The following ST8SIA2 variants were observed in gnomAD, a reference collection of about 807,000 sequenced individuals.
The protein encoded by ST8SIA2 is ST8 alpha-N-acetyl-neuraminide alpha-2,8-sialyltransferase 2, also known as alpha-2,8-sialyltransferase 8B.
ST8SIA2 carries 22 observed loss-of-function variants against 37.6 expected under a neutral mutation model. The ratio of observed to expected loss-of-function variants is 0.58; its 90% CI spans 0.42 to 0.83. ST8SIA2 has a LOEUF of 0.83. ST8SIA2 is among the 40% of genes least tolerant of loss of function. ST8SIA2 has a pLI of 0.00. For missense variants in ST8SIA2, 382 were observed against 484.7 expected (o/e 0.79, Z 1.99); for synonymous variants, 205 against 201.2 (o/e 1.02, Z -0.16).
At chr15:92,454,780 G>C (rs1349230117) in intron 5 of ST8SIA2, among the ~76,000 whole-genome samples, 1 of 151,894 alleles carries the variant, frequency 6.6e-6, no homozygotes, top group Non-Finnish European at 1.5e-5. Context: ...AGCCCTGGCT[G>C]GCTGTTGGCT....
rs1313281018 is a variant in ST8SIA2, at chr15:92,466,470, T to C, written c.*2085T>C. ...AGGCCTTGGATTCCAGAATGTTTCA[T>C]GGTAAGCACTGTGGAGAACCTACAT... On this transcript the variant is annotated 3_prime_UTR_variant, in exon 6 of 6. Coordinates refer to ENST00000268164, the MANE Select transcript of ST8SIA2 (RefSeq NM_006011.4). 6.6e-6 allele frequency: 1 copy of C among 152,102 alleles called. No individual in the cohort carries two copies. Among genetic ancestry groups the C allele is most frequent in the East Asian group, 1.9e-4 (1 of 5,170 alleles). The allele number at this position is 152,102 out of a possible 1,614,324, so 9.4% of individuals were successfully genotyped here.
At chr15:92,418,297 TAACA>T (rs1356353372) in intron 1 of ST8SIA2, among the ~76,000 whole-genome samples, 1 of 149,450 alleles carries the variant, frequency 6.7e-6, no homozygotes, top group African/African-American at 2.5e-5. Context: ...CTACTAAAAA[TAACA>T]AACAAAAAAA....
Position 92,451,239 on chromosome 15 carries a change from C to T in ST8SIA2, c.842+6310C>T, listed in dbSNP as rs533608245. On this transcript the variant is annotated intron_variant, in intron 5 of 5. Transcript: ENST00000268164. ...ACCAGGTGCAGCAGAAATTTGCACTCATTTAGGGACAGGGATGGCAATGAG... is the reference window on the plus strand; with the variant it reads ...ACCAGGTGCAGCAGAAATTTGCACTTATTTAGGGACAGGGATGGCAATGAG... 2.6e-5 allele frequency among the ~76,000 whole-genome samples: 4 copies of T among 152,294 alleles called. No individual in the cohort carries two copies. In the South Asian group the frequency reaches 6.2e-4, roughly 24 times the overall value.
Position 92,444,633 on chromosome 15 carries a change from C to T in ST8SIA2, c.549-3C>T, listed in dbSNP as rs1422183027. ...AGGATCATGTTGCCTTTTTCTCCGG[C>T]AGGTGCAACCTGGCCCCAGTACAGG... is the stretch of plus-strand genomic sequence containing the variant. On this transcript the variant is annotated splice_polypyrimidine_tract_variant and splice_region_variant and intron_variant, in intron 4 of 5. Coordinates refer to ENST00000268164, the MANE Select transcript of ST8SIA2 (RefSeq NM_006011.4). 2.3e-5 allele frequency: 37 copies of T among 1,614,234 alleles called. No individual in the cohort carries two copies. Among genetic ancestry groups the T allele is most frequent in the Non-Finnish European group, 3.1e-5 (36 of 1,180,042 alleles).
intron 3 of ST8SIA2, 92 bp downstream of exon 3, chr15:92,434,467 T>C (rs2049740710): frequency 6.3e-7 from 1 of 1,582,436 alleles, no homozygotes; most frequent in Non-Finnish European, 8.6e-7. Flanking sequence ...GAAGTCAGGA[T>C]AGAAATAAAA....
intron 5 of ST8SIA2, 59 bp downstream of exon 5, chr15:92,444,988 G>A: frequency 6.3e-7 from 1 of 1,596,506 alleles, no homozygotes; most frequent in Non-Finnish European, 8.5e-7. Flanking sequence ...ATTCTTGGTA[G>A]GCAGTATCCC....
intron 4 of ST8SIA2, among the ~76,000 whole-genome samples, chr15:92,440,593 C>T (rs1263262317): frequency 2.6e-5 from 4 of 152,210 alleles, no homozygotes; most frequent in Non-Finnish European, 4.4e-5. Flanking sequence ...GGCTCTGAAA[C>T]TCCCACGTGT....
In ST8SIA2 at chr15:92,464,338, C is replaced by G. The variant is rs1181645265; in HGVS notation, c.1081C>G (p.Gln361Glu). 2 of 1,613,910 alleles carry G rather than the reference C, an allele frequency of 1.2e-6. No homozygotes were observed. The highest frequency in any genetic ancestry group is 2.7e-5 in the African/African-American group (2 of 74,864). Residue 361 changes from glutamine (Q) to glutamate (E), a missense_variant, in exon 6 of 6, where the codon CAG becomes GAG. Transcript: ENST00000268164. ...EFKALKSLHE[Q>E]GALKLTVGQC... ...TAAGGCCCTCAAGAGCCTACATGAG[C>G]AGGGGGCTTTGAAACTGACTGTCGG... is the stretch of plus-strand genomic sequence containing the variant.
rs530314702 is a variant in ST8SIA2 at position 92,427,405 on chromosome 15, GA to G, written c.99-2637del. ...CAAAATATTTTTGTTGAATGAATAAGAAAAAAATAACTTAGATATATTGGTA... is the reference window on the plus strand; with the variant it reads ...CAAAATATTTTTGTTGAATGAATAAGAAAAAATAACTTAGATATATTGGTA... On this transcript the variant is annotated intron_variant, in intron 1 of 5. Transcript: ENST00000268164. Among the ~76,000 whole-genome samples, 459 of 151,900 alleles carry G rather than the reference GA, an allele frequency of 3.0e-3. 2 individuals carry two copies. The highest frequency in any genetic ancestry group is 0.01 in the Middle Eastern group (3 of 294).
chr15:92,435,055 T>A (rs1262508869), intron 3 of ST8SIA2, among the ~76,000 whole-genome samples: 1 of 152,210 alleles, frequency 6.6e-6, no homozygotes, highest in Admixed American at 6.5e-5. Context: ...AGCTTAGATA[T>A]AGCCATGATT....
At chr15:92,404,752 T>C (rs1056212004) in intron 1 of ST8SIA2, among the ~76,000 whole-genome samples, 33 of 151,212 alleles carry the variant, frequency 2.2e-4, no homozygotes, top group Non-Finnish European at 3.2e-4. Flanking sequence ...GGAGAATAGG[T>C]TGAACCCGGG....
chr15:92,451,066 C>G (rs112209585), intron 5 of ST8SIA2, among the ~76,000 whole-genome samples: 2 of 152,168 alleles, frequency 1.3e-5, no homozygotes, highest in Non-Finnish European at 2.9e-5. Flanking sequence ...AGGGGACAAA[C>G]GTTAACTTGT....
At chr15:92,401,850 C>A (rs1022487768) in intron 1 of ST8SIA2, among the ~76,000 whole-genome samples, 3 of 151,712 alleles carry the variant, frequency 2.0e-5, no homozygotes, top group African/African-American at 4.8e-5. Flanking sequence ...GATGAAAGAA[C>A]CCCTAGGTCA....
At chr15:92,408,439 C>T (rs955452672) in intron 1 of ST8SIA2, among the ~76,000 whole-genome samples, 3 of 152,110 alleles carry the variant, frequency 2.0e-5, no homozygotes, top group Non-Finnish European at 4.4e-5. Flanking sequence ...ACTTCCAGCT[C>T]CTGCTACAGT....
chr15:92,425,876 T>C (rs1446169854), intron 1 of ST8SIA2, among the ~76,000 whole-genome samples: 1 of 152,122 alleles, frequency 6.6e-6, no homozygotes, highest in Non-Finnish European at 1.5e-5. Flanking sequence ...GGGGTGTGGA[T>C]TCAAGATTGC....
Position 92,416,635 on chromosome 15 carries a change from G to A in ST8SIA2, c.99-13414G>A, listed in dbSNP as rs74029028. 8.3e-3 allele frequency among the ~76,000 whole-genome samples: 1,270 copies of A among 152,218 alleles called. 19 individuals are homozygous for A. Among genetic ancestry groups the A allele is most frequent in the African/African-American group, 0.029 (1,198 of 41,538 alleles). On this transcript the variant is annotated intron_variant, in intron 1 of 5. Transcript: ENST00000268164. Reference sequence around the variant, plus strand: ...AGGTCACTGACAGAGCAGAGAGAACGTGCCGTTGGACCCGCTCCAGGAGAC... The same window carrying A: ...AGGTCACTGACAGAGCAGAGAGAACATGCCGTTGGACCCGCTCCAGGAGAC...
chr15:92,433,683 C>T (rs2049733394), intron 2 of ST8SIA2, among the ~76,000 whole-genome samples: 1 of 152,212 alleles, frequency 6.6e-6, no homozygotes, highest in African/African-American at 2.4e-5. Context: ...AGATCCCTTG[C>T]GTACAGTCTC....
chr15:92,437,800 T>C (rs2049769785), intron 3 of ST8SIA2, among the ~76,000 whole-genome samples: 1 of 151,984 alleles, frequency 6.6e-6, no homozygotes, highest in African/African-American at 2.4e-5. Context: ...CCTAGACAAA[T>C]TTATTATCCT....
At chr15:92,407,927 C>A (rs953152487) in intron 1 of ST8SIA2, among the ~76,000 whole-genome samples, 2 of 152,096 alleles carry the variant, frequency 1.3e-5, no homozygotes, top group Non-Finnish European at 1.5e-5. Flanking sequence ...GTCTAGTTAG[C>A]AAAACGCATG....
Sources: gnomAD v4.1 joint callset for allele counts (sites outside exome capture counted in the v4.1 genomes callset) on GRCh38, gnomAD v4.1.1 for gene constraint, MANE v1.5 for transcripts, NCBI Gene and HGNC (gene_info 2026-07-23, HGNC 2026-07-21) for gene names.